The following OSBPL8 variants were observed in gnomAD, a reference collection of about 807,000 sequenced individuals.
OSBPL8 encodes the protein oxysterol-binding protein-related protein 8.
In OSBPL8, 59 loss-of-function variants were observed where a neutral mutation model predicts 125.5. The observed-to-expected ratio is 0.47, with a 90% CI of 0.38 to 0.58. The LOEUF is 0.58. Ranked by LOEUF, OSBPL8 falls within the 20% of genes least tolerant of loss-of-function variation. OSBPL8 has a pLI of 0.00. For synonymous variants in OSBPL8, 330 were observed against 338.9 expected (o/e 0.97, Z 0.29); for missense variants, 758 against 1,047.8 (o/e 0.72, Z 3.82).
At chr12:76,366,917 CAACT>C (rs1012449875) in intron 21 of OSBPL8, among the ~76,000 whole-genome samples, 34 of 152,240 alleles carry the variant, frequency 2.2e-4, no homozygotes, top group African/African-American at 7.2e-4. Context: ...ATGCCTCAAC[CAACT>C]GAGTAGCTGG....
chr12:76,469,903 A>C (rs1473902733), intron 2 of OSBPL8, among the ~76,000 whole-genome samples: 5 of 152,174 alleles, frequency 3.3e-5, no homozygotes, highest in East Asian at 3.8e-4. Context: ...AAAGACAAGA[A>C]AAGAAAAAAA....
At chr12:76,473,585 T>C (rs1470166254) in intron 2 of OSBPL8, among the ~76,000 whole-genome samples, 2 of 152,212 alleles carry the variant, frequency 1.3e-5, no homozygotes, top group African/African-American at 2.4e-5. Context: ...ACATCAGTTT[T>C]TCAAAACATC....
At chr12:76,425,027 T>C in intron 4 of OSBPL8, among the ~76,000 whole-genome samples, 1 of 152,168 alleles carries the variant, frequency 6.6e-6, no homozygotes, top group East Asian at 1.9e-4. Context: ...ATAACCCTTT[T>C]GCACATAATT....
At chr12:76,482,384 C>T (rs1308565402) in intron 2 of OSBPL8, among the ~76,000 whole-genome samples, 3 of 152,150 alleles carry the variant, frequency 2.0e-5, no homozygotes, top group Admixed American at 6.6e-5. Context: ...GAGGCTAAGG[C>T]GGGCGGATCA....
At chr12:76,550,543 T>C (rs1488198510) in intron 1 of OSBPL8, among the ~76,000 whole-genome samples, 1 of 152,196 alleles carries the variant, frequency 6.6e-6, no homozygotes, top group Non-Finnish European at 1.5e-5. Context: ...AAGAATTGTC[T>C]TGGGCCACCC....
At chr12:76,394,598 TC>T (rs1319380169) in intron 9 of OSBPL8, 46 bp downstream of exon 9, 33 of 1,414,610 alleles carry the variant, frequency 2.3e-5, no homozygotes, top group Non-Finnish European at 2.9e-5. Context: ...TTAAAAAAAC[TC>T]TTAAAAATGA....
intron 9 of OSBPL8, among the ~76,000 whole-genome samples, chr12:76,393,736 A>AAAC (rs1555212855): frequency 6.9e-6 from 1 of 143,968 alleles, no homozygotes; most frequent in Non-Finnish European, 1.5e-5. Context: ...AAAAAAAAAA[A>AAAC]TCTGAGGCCA....
intron 1 of OSBPL8, among the ~76,000 whole-genome samples, chr12:76,503,610 C>T (rs2137130930): frequency 6.6e-6 from 1 of 152,304 alleles, no homozygotes; most frequent in South Asian, 2.1e-4. Flanking sequence ...GCGATCTCGG[C>T]TCACTGCAAG....
At chr12:76,553,949 C>T (rs1378111146) in intron 1 of OSBPL8, among the ~76,000 whole-genome samples, 1 of 127,722 alleles carries the variant, frequency 7.8e-6, no homozygotes, top group African/African-American at 3.0e-5. Context: ...TGCACTCCAG[C>T]CTAGGTGACA....
In OSBPL8 at chr12:76,368,422, T is replaced by C. The variant is rs546195264; in HGVS notation, c.2328+792A>G. 3.3e-5 allele frequency among the ~76,000 whole-genome samples: 5 copies of C among 151,926 alleles called. No individual in the cohort carries two copies. The South Asian group carries it at 8.3e-4, about 25-fold the overall frequency. ...GAGTTTGTTGAGCTTCTTGAATTTGTAGATTTATATCTTCCACCAAATTTG... is the reference window on the plus strand; with the variant it reads ...GAGTTTGTTGAGCTTCTTGAATTTGCAGATTTATATCTTCCACCAAATTTG... On this transcript the variant is annotated intron_variant, in intron 21 of 23. Transcript: ENST00000261183.
intron 1 of OSBPL8, among the ~76,000 whole-genome samples, chr12:76,517,040 C>A (rs1028745397): frequency 6.6e-5 from 10 of 152,126 alleles, no homozygotes; most frequent in Non-Finnish European, 1.0e-4. Flanking sequence ...TCTCGAACTC[C>A]TGACCTCAAG....
At chr12:76,358,928 G>A (rs1407610915) in intron 21 of OSBPL8, 117 bp from the exon 22 acceptor site, 1 of 722,882 alleles carries the variant, frequency 1.4e-6, no homozygotes, top group African/African-American at 1.8e-5. Flanking sequence ...TAAAGACAAT[G>A]ATGAAATAGT....
chr12:76,536,182 A>T (rs1165617304), intron 1 of OSBPL8, among the ~76,000 whole-genome samples: 1 of 152,070 alleles, frequency 6.6e-6, no homozygotes, highest in African/African-American at 2.4e-5. Flanking sequence ...ATCAGAAAAA[A>T]TGTAAAAAAT....
intron 2 of OSBPL8, chr12:76,486,108 C>G (rs907406892): frequency 2.5e-6 from 1 of 397,038 alleles, no homozygotes; most frequent in Non-Finnish European, 4.9e-6. Context: ...CCATTTTCTT[C>G]TCTACTAACA....
At chr12:76,448,023 G>C (rs192491114) in intron 4 of OSBPL8, among the ~76,000 whole-genome samples, 2 of 152,174 alleles carry the variant, frequency 1.3e-5, no homozygotes, top group African/African-American at 4.8e-5. Context: ...ATATAGACTA[G>C]GTGTTAGGTT....
chr12:76,410,730 T>C, intron 4 of OSBPL8, 96 bp from the exon 5 acceptor site: 1 of 820,232 alleles, frequency 1.2e-6, no homozygotes, highest in Non-Finnish European at 2.0e-6. Flanking sequence ...TATAAATCAG[T>C]GCAGGAAGCC....
chr12:76,421,822 T>C (rs764089795), intron 4 of OSBPL8, among the ~76,000 whole-genome samples: 1 of 152,042 alleles, frequency 6.6e-6, no homozygotes, highest in Non-Finnish European at 1.5e-5. Flanking sequence ...AAAAGATCAA[T>C]TTATGTCTAC....
chr12:76,373,022 G>A (rs1035419968), intron 18 of OSBPL8, among the ~76,000 whole-genome samples: 1 of 151,884 alleles, frequency 6.6e-6, no homozygotes, highest in Admixed American at 6.6e-5. Flanking sequence ...TAATAAAATG[G>A]GCATGGCACC....
intron 12 of OSBPL8, among the ~76,000 whole-genome samples, chr12:76,389,421 T>G (rs1325917751): frequency 1.3e-5 from 2 of 152,206 alleles, no homozygotes; most frequent in Non-Finnish European, 2.9e-5. Context: ...ATTCTTGTTT[T>G]CCTCGAGCTT....
Sources: allele counts gnomAD v4.1 joint callset (sites outside exome capture counted in the v4.1 genomes callset), GRCh38; gene constraint gnomAD v4.1.1; transcripts MANE v1.5; gene names NCBI Gene and HGNC (gene_info 2026-07-23, HGNC 2026-07-21).